The following LARS2 variants were observed in gnomAD, a reference collection of about 807,000 sequenced individuals.
LARS2 encodes leucine--tRNA ligase, mitochondrial.
In LARS2, 81 loss-of-function variants were observed where a neutral mutation model predicts 116.6. The ratio of observed to expected loss-of-function variants is 0.69; its 90% confidence interval spans 0.58 to 0.84. The LOEUF (loss-of-function observed/expected upper bound fraction) is 0.84, where lower values mean the gene tolerates loss of function less well. Among genes scored for constraint, LARS2 ranks in the 40% least tolerant of loss-of-function variants. LARS2 has a pLI of 0.00. For synonymous variants in LARS2, 396 were observed against 407.2 expected (o/e 0.97, Z 0.33); for missense variants, 968 against 1,114.5 (o/e 0.87, Z 1.87).
At chr3:45,408,490 G>A (rs1310783923) in intron 4 of LARS2, among the ~76,000 whole-genome samples, 1 of 152,148 alleles carries the variant, frequency 6.6e-6, no homozygotes, top group Non-Finnish European at 1.5e-5. Context: ...CTTTTTGTAC[G>A]GCAGAAGGGC....
At chr3:45,471,944 G>A (rs1357809176) in intron 8 of LARS2, among the ~76,000 whole-genome samples, 1 of 152,112 alleles carries the variant, frequency 6.6e-6, no homozygotes, top group East Asian at 1.9e-4. Context: ...AGGCATTACT[G>A]TATCAGCTAA....
chr3:45,507,225 C>A (rs1407447985), intron 15 of LARS2, among the ~76,000 whole-genome samples: 1 of 151,530 alleles, frequency 6.6e-6, no homozygotes, highest in Non-Finnish European at 1.5e-5. Flanking sequence ...AGCAAGACCC[C>A]ATTTCTATGA....
chr3:45,407,359 A>G (rs1698249578), intron 4 of LARS2, among the ~76,000 whole-genome samples: 1 of 152,192 alleles, frequency 6.6e-6, no homozygotes, highest in Non-Finnish European at 1.5e-5. Context: ...CTGAAAGTAG[A>G]TAGTGAATTT....
intron 20 of LARS2, among the ~76,000 whole-genome samples, chr3:45,532,799 GC>G (rs1700635766): frequency 6.6e-6 from 1 of 151,890 alleles, no homozygotes; most frequent in Non-Finnish European, 1.5e-5. Context: ...GTGCCACCAT[GC>G]CCGGCTAATT....
intron 11 of LARS2, 77 bp downstream of exon 11, chr3:45,485,873 TC>T: frequency 1.2e-6 from 1 of 805,568 alleles, no homozygotes; most frequent in Non-Finnish European, 2.0e-6. Context: ...GTTGCTGTCA[TC>T]TGGAAGAGCT....
chr3:45,494,006 G>C (rs1400081605), intron 13 of LARS2, among the ~76,000 whole-genome samples: 1 of 152,090 alleles, frequency 6.6e-6, no homozygotes, highest in Non-Finnish European at 1.5e-5. Context: ...CTGGTTGATT[G>C]CTCTCCAAAT....
At chr3:45,411,040 C>T (rs2125681954) in intron 4 of LARS2, among the ~76,000 whole-genome samples, 1 of 152,282 alleles carries the variant, frequency 6.6e-6, no homozygotes, top group South Asian at 2.1e-4. Context: ...TAGATATACT[C>T]AGGGAATGTT....
At chr3:45,498,420 T>C (rs1168584361) in intron 14 of LARS2, among the ~76,000 whole-genome samples, 1 of 152,244 alleles carries the variant, frequency 6.6e-6, no homozygotes, top group Admixed American at 6.5e-5. Flanking sequence ...TTTCCTTTCT[T>C]TTCTGTCGCC....
intron 20 of LARS2, among the ~76,000 whole-genome samples, chr3:45,537,877 A>G (rs1700731762): frequency 6.6e-6 from 1 of 152,164 alleles, no homozygotes; most frequent in South Asian, 2.1e-4. Flanking sequence ...ATTCTGCAGG[A>G]AAGTCTGCAA....
At chr3:45,546,738 A>T (rs1411337970) in intron 21 of LARS2, among the ~76,000 whole-genome samples, 1 of 152,164 alleles carries the variant, frequency 6.6e-6, no homozygotes, top group Non-Finnish European at 1.5e-5. Context: ...GTGAATACCC[A>T]CCTGTGTCTG....
intron 4 of LARS2, 67 bp from the exon 5 acceptor site, chr3:45,417,415 C>T (rs1698445211): frequency 8.1e-7 from 1 of 1,236,658 alleles, no homozygotes; most frequent in Non-Finnish European, 1.2e-6. Flanking sequence ...TGAGTTTGCC[C>T]CAGAAGACAA....
intron 9 of LARS2, 36 bp from the exon 10 acceptor site, chr3:45,476,432 C>A: frequency 6.2e-7 from 1 of 1,611,788 alleles, no homozygotes; most frequent in Non-Finnish European, 8.5e-7. Context: ...AAAGGGAGGA[C>A]TGAGAAATGA....
intron 17 of LARS2, 87 bp from the exon 18 acceptor site, chr3:45,517,816 C>A: frequency 9.6e-7 from 1 of 1,036,500 alleles, no homozygotes. Context: ...CATCAATTCA[C>A]AGGTGTTTTT....
At chr3:45,473,142 A>G (rs1274317137) in intron 8 of LARS2, among the ~76,000 whole-genome samples, 2 of 152,224 alleles carry the variant, frequency 1.3e-5, no homozygotes. Flanking sequence ...TCCCTGTGCC[A>G]TACTTTCTGA....
intron 20 of LARS2, among the ~76,000 whole-genome samples, chr3:45,530,551 C>T (rs889831107): frequency 6.6e-6 from 1 of 152,090 alleles, no homozygotes; most frequent in African/African-American, 2.4e-5. Flanking sequence ...TCCATGTGTG[C>T]CATGACTTAG....
chr3:45,518,169 G>A (rs1700401761), intron 18 of LARS2, 97 bp downstream of exon 18: 1 of 848,356 alleles, frequency 1.2e-6, no homozygotes, highest in East Asian at 2.6e-5. Context: ...CCTTGGGTTG[G>A]GCCACTGTGG....
At chr3:45,464,668 C>T (rs1575271845) in intron 8 of LARS2, among the ~76,000 whole-genome samples, 2 of 152,156 alleles carry the variant, frequency 1.3e-5, no homozygotes, top group East Asian at 1.9e-4. Context: ...CCTGTTTGTG[C>T]GTCAAAGCAC....
chr3:45,461,716 GAGT>G (rs1419765529), intron 8 of LARS2, among the ~76,000 whole-genome samples: 7 of 152,158 alleles, frequency 4.6e-5, no homozygotes, highest in Non-Finnish European at 8.8e-5. Flanking sequence ...AGAGAGAAGT[GAGT>G]AGGTTAGAAA....
rs117406484 is a variant in LARS2 at position 45,403,339 on chromosome 3, G to A, written c.363+2966G>A. On this transcript the variant is annotated intron_variant, in intron 4 of 21. Coordinates refer to ENST00000645846, the MANE Select transcript of LARS2 (RefSeq NM_015340.4). ...CTTTTTTTTGTTTGTTTTTTGAGGC[G>A]GATCTTCGCTCTTGTTGCCCAGGCT... 4.6e-5 allele frequency among the ~76,000 whole-genome samples: 7 copies of A among 151,472 alleles called. No individual in the cohort carries two copies. In the East Asian group the frequency reaches 5.9e-4, roughly 13 times the overall value.
Sources: gnomAD v4.1 joint callset for allele counts (sites outside exome capture counted in the v4.1 genomes callset) on GRCh38, gnomAD v4.1.1 for gene constraint, MANE v1.5 for transcripts, NCBI Gene and HGNC (gene_info 2026-07-23, HGNC 2026-07-21) for gene names.